Variants in AADAT observed in about 807,000 individuals in gnomAD.
AADAT encodes aminoadipate aminotransferase.
Under a neutral mutation model 56.2 loss-of-function variants are expected in AADAT, and 25 were observed. That is an observed-to-expected ratio of 0.44 (90% CI 0.32 to 0.62). The LOEUF (loss-of-function observed/expected upper bound fraction) is 0.62, where lower values mean the gene tolerates loss of function less well. Ranked by LOEUF, AADAT falls within the 20% of genes least tolerant of loss-of-function variation. The probability of loss-of-function intolerance (pLI) is 0.04; values close to 1 mark genes in which losing one functional copy is unlikely to be tolerated. For synonymous variants in AADAT, 173 were observed against 164.7 expected (o/e 1.05, Z -0.39); for missense variants, 387 against 510.5 (o/e 0.76, Z 2.33).
chr4:170,080,481 A>G (rs1015968783), intron 3 of AADAT, among the ~76,000 whole-genome samples: 4 of 152,140 alleles, frequency 2.6e-5, no homozygotes, highest in African/African-American at 9.7e-5. Flanking sequence ...AGGGAAAAAC[A>G]TCCCTGAGGA....
upstream of AADAT, among the ~76,000 whole-genome samples, chr4:170,093,429 A>G (rs984002310): frequency 6.6e-6 from 1 of 152,120 alleles, no homozygotes; most frequent in Non-Finnish European, 1.5e-5. Flanking sequence ...GCTGGGGGAT[A>G]GAGCGAGACT....
Position 170,068,675 on chromosome 4 carries a change from T to C in AADAT, c.816A>G (p.Gly272=). ...TTAAGGGTTTTGGACCAGTTAAAAA[T>C]CCTATTCTCAACCTACGTGGAAAGA... ...SKIISSGLRI[G]FLTGPKPLIE... Residue 272 remains glycine (G), a synonymous_variant, in exon 8 of 13, where the codon GGA becomes GGG. Transcript: ENST00000337664. 6.3e-7 allele frequency: 1 copy of C among 1,596,222 alleles called. No individual in the cohort carries two copies. Among genetic ancestry groups the C allele is most frequent in the Non-Finnish European group, 8.5e-7 (1 of 1,175,640 alleles).
At chr4:170,079,066 G>A (rs1732172111) in intron 3 of AADAT, among the ~76,000 whole-genome samples, 1 of 152,154 alleles carries the variant, frequency 6.6e-6, no homozygotes. Flanking sequence ...GGAGCTACTG[G>A]TCCACTGGGA....
In AADAT at chr4:170,082,049, T is replaced by C. The variant is rs1732344451; in HGVS notation, c.370-3466A>G. On this transcript the variant is annotated intron_variant, in intron 3 of 12. Coordinates refer to ENST00000337664, the MANE Select transcript of AADAT (RefSeq NM_016228.4). ...CCAACCTGAAAGAAAAAAATACTAATGTGCAAAAGAAAACTTTTCAAGGTA... is the reference window on the plus strand; with the variant it reads ...CCAACCTGAAAGAAAAAAATACTAACGTGCAAAAGAAAACTTTTCAAGGTA... Among the ~76,000 whole-genome samples, 3 of 152,154 alleles carry C rather than the reference T, an allele frequency of 2.0e-5. No homozygotes were observed. In the South Asian group the frequency reaches 6.2e-4, roughly 32 times the overall value.
upstream of AADAT, among the ~76,000 whole-genome samples, chr4:170,093,099 C>CT (rs1732917150): frequency 6.6e-6 from 1 of 151,928 alleles, no homozygotes; most frequent in South Asian, 2.1e-4. Context: ...GGGGAGGACT[C>CT]TAACTGAGCA....
At chr4:170,072,188 A>G (rs925412280) in intron 5 of AADAT, among the ~76,000 whole-genome samples, 3 of 152,088 alleles carry the variant, frequency 2.0e-5, no homozygotes, top group Non-Finnish European at 4.4e-5. Context: ...CAGAGCCTGG[A>G]AAGTACAAAC....
chr4:170,073,341 T>G lies in AADAT; in HGVS notation c.449A>C (p.His150Pro). Residue 150 changes from histidine (H) to proline (P), a missense_variant, in exon 5 of 13, where the codon CAC becomes CCC. Physicochemically the swap from His to Pro is moderately conservative, Grantham distance 77 (BLOSUM62 -2). Transcript: ENST00000337664. ...ATTAATAATGTTGCAGCCCAGTGGG[T>G]GCAGCTGTTGAGCACAAAAGAAAGC... ...PAYSGTLQSLHPLGCNIINVA... is the reference protein window; with the variant it reads ...PAYSGTLQSLPPLGCNIINVA... 2 of 1,613,278 alleles carry G rather than the reference T, an allele frequency of 1.2e-6. No individual in the cohort carries two copies. The highest frequency in any genetic ancestry group is 1.7e-6 in the Non-Finnish European group (2 of 1,179,766).
At chr4:170,091,100 G>A (rs1184274877), upstream of AADAT, among the ~76,000 whole-genome samples, 1 of 152,226 alleles carries the variant, frequency 6.6e-6, no homozygotes, top group South Asian at 2.1e-4. Context: ...CACTCTTGGC[G>A]CCTCCTCGGC....
intron 8 of AADAT, among the ~76,000 whole-genome samples, 184 bp downstream of exon 8, chr4:170,068,405 TAA>T (rs1359015727): frequency 1.3e-5 from 2 of 152,172 alleles, no homozygotes; most frequent in African/African-American, 4.8e-5. Flanking sequence ...TCTCTTAAAT[TAA>T]GTTTACTTTA....
chr4:170,074,769 A>G (rs1003201429), intron 4 of AADAT, among the ~76,000 whole-genome samples: 3 of 152,090 alleles, frequency 2.0e-5, no homozygotes, highest in Non-Finnish European at 4.4e-5. Flanking sequence ...TAGAATTTCC[A>G]TATTTTACCA....
intron 4 of AADAT, among the ~76,000 whole-genome samples, chr4:170,077,126 A>C (rs1045509910): frequency 5.3e-5 from 8 of 152,182 alleles, no homozygotes; most frequent in Non-Finnish European, 7.3e-5. Context: ...GAAATTGGGA[A>C]GTGGGGGTCT....
At chr4:170,079,331 A>T (rs935649887) in intron 3 of AADAT, among the ~76,000 whole-genome samples, 4 of 152,190 alleles carry the variant, frequency 2.6e-5, no homozygotes, top group South Asian at 2.1e-4. Context: ...CATCAGACAG[A>T]AGTGGGCAGA....
chr4:170,069,264 G>A, intron 6 of AADAT, 34 bp from the exon 7 acceptor site: 1 of 1,560,696 alleles, frequency 6.4e-7, no homozygotes, highest in Non-Finnish European at 8.8e-7. Context: ...CTGTTGGTCT[G>A]AAAGCTCTGT....
chr4:170,075,595 C>T (rs1731995674), intron 4 of AADAT, among the ~76,000 whole-genome samples: 1 of 152,214 alleles, frequency 6.6e-6, no homozygotes. Context: ...AGGCGTGAGC[C>T]ACCTCGTCTA....
chr4:170,079,592 GAGA>G (rs1014288486), intron 3 of AADAT, among the ~76,000 whole-genome samples: 2 of 152,274 alleles, frequency 1.3e-5, no homozygotes, highest in African/African-American at 4.8e-5. Flanking sequence ...AGGAATTGTA[GAGA>G]AGAACTGAGA....
At chr4:170,092,120 T>C (rs1384139362), upstream of AADAT, among the ~76,000 whole-genome samples, 1 of 152,202 alleles carries the variant, frequency 6.6e-6, no homozygotes, top group Non-Finnish European at 1.5e-5. Flanking sequence ...AGGATGTGGA[T>C]GGGGCCAGAT....
chr4:170,087,193 G>C lies in AADAT; in HGVS notation c.292C>G (p.Pro98Ala). The C allele has an allele frequency of 6.2e-7, 1 of 1,614,110 alleles. No homozygotes were observed. Among genetic ancestry groups the C allele is most frequent in the Non-Finnish European group, 8.5e-7 (1 of 1,180,016 alleles). The change falls in exon 3 of 13, where the codon CCT becomes GCT. Residue 98 changes from proline (P) to alanine (A), a missense_variant. Transcript: ENST00000337664. Reference protein sequence around the residue: ...KQLQIKLHNPPTIHYPPSQGQ... With the variant: ...KQLQIKLHNPATIHYPPSQGQ... ...TGACTGGGTGGGTAATGGATGGTAG[G>C]AGGATTATGCAATTTTATTTGTAAC...
Position 170,060,990 on chromosome 4 carries a change from T to C in AADAT, c.1237-21A>G, listed in dbSNP as rs774493607. On this transcript the variant is annotated intron_variant, in intron 12 of 12. Coordinates refer to ENST00000337664, the MANE Select transcript of AADAT (RefSeq NM_016228.4). ...AAGGCCTAAAACAGAAAAAAAAAAT[T>C]AGAATTAATTAAATTAGGATACTAT... The C allele has an allele frequency of 5.6e-6, 8 of 1,426,680 alleles. No homozygotes were observed. In the South Asian group the frequency reaches 6.6e-5, roughly 12 times the overall value. 88.4% of individuals were successfully genotyped at this position (1,426,680 alleles called of 1,614,324 possible).
Position 170,063,350 on chromosome 4 carries a change from A to T in AADAT, c.1135-1357T>A, listed in dbSNP as rs751355098. ...ACATGTAGCAGGATATATGGGATAA[A>T]TGAAGAGGACTGAAGAAGAGTAGAG... On this transcript the variant is annotated intron_variant, in intron 11 of 12. Transcript: ENST00000337664. Among the ~76,000 whole-genome samples, 6 of 152,350 alleles carry T rather than the reference A, an allele frequency of 3.9e-5. No individual in the cohort carries two copies. In the South Asian group the frequency reaches 1.0e-3, roughly 26 times the overall value.
Sources: gnomAD v4.1 joint callset for allele counts (sites outside exome capture counted in the v4.1 genomes callset) on GRCh38, gnomAD v4.1.1 for gene constraint, MANE v1.5 for transcripts, NCBI Gene and HGNC (gene_info 2026-07-23, HGNC 2026-07-21) for gene names.